Variants in MIDN observed in about 807,000 individuals in gnomAD.
MIDN encodes midbrain nucleolar protein.
In MIDN, 26 loss-of-function variants were observed where a neutral mutation model predicts 46.1. The observed-to-expected ratio is 0.56, with a 90% CI of 0.41 to 0.78. The LOEUF is 0.78. MIDN is among the 30% of genes least tolerant of loss of function. The pLI is 0.00. For synonymous variants in MIDN, 432 were observed against 343.3 expected, an observed-to-expected ratio of 1.26 and a Z score of -2.86; for missense variants, 850 against 771.8, an observed-to-expected ratio of 1.10 and a Z score of -1.20.
At chr19:1,256,761 C>T (rs1318205120) in intron 8 of MIDN, among the ~76,000 whole-genome samples, 2 of 152,170 alleles carry the variant, frequency 1.3e-5, no homozygotes, top group Non-Finnish European at 2.9e-5. Context: ...AGGCCTGTCT[C>T]GAACTCCTGA....
chr19:1,254,572 C>T (rs1397566663), intron 6 of MIDN, 94 bp downstream of exon 6: 7 of 1,321,440 alleles, frequency 5.3e-6, no homozygotes, highest in Non-Finnish European at 7.3e-6. Flanking sequence ...CTCTTAGTCC[C>T]AGGTGAGTCC....
chr19:1,257,358 C>A lies in MIDN; in HGVS notation c.*86C>A. ...GAGCCCCGGAGAGAACGTGGCCCAG[C>A]CCTGGAGGGCAGGCGGCCACTCCCC... On this transcript the variant is annotated 3_prime_UTR_variant, in exon 9 of 9. Transcript: ENST00000682408. 1.8e-6 allele frequency: 2 copies of A among 1,103,860 alleles called. No individual in the cohort carries two copies. Among genetic ancestry groups the A allele is most frequent in the Non-Finnish European group, 2.7e-6 (2 of 751,652 alleles). 68.4% of individuals were successfully genotyped at this position (1,103,860 alleles called of 1,614,324 possible).
rs1418165624 is a variant in MIDN, at chr19:1,255,542, C to T, written c.1106C>T (p.Ser369Leu). Residue 369 changes from serine (S) to leucine (L), a missense_variant, in exon 8 of 9, where the codon TCG becomes TTG. Ser to Leu is a moderately radical substitution (Grantham distance 145, BLOSUM62 -2). Coordinates refer to ENST00000682408, the MANE Select transcript of MIDN (RefSeq NM_001388306.1). ...CGGCACTACCAGGGCATGCCCCCTT[C>T]GCTGGCCCAGCTCCGCTGCCACGCC... ...ATRHYQGMPP[S>L]LAQLRCHAQC... 3.7e-6 allele frequency: 6 copies of T among 1,611,766 alleles called. No individual in the cohort carries two copies. The highest frequency in any genetic ancestry group is 2.2e-5 in the East Asian group (1 of 44,874).
intron 1 of MIDN, 81 bp from the exon 2 acceptor site, chr19:1,249,809 G>C (rs2081100649): frequency 6.6e-6 from 1 of 151,386 alleles, no homozygotes; most frequent in South Asian, 2.1e-4. Context: ...GGAGTAAGTA[G>C]TGAATGGGAG....
chr19:1,255,802 G>T, intron 8 of MIDN, 108 bp downstream of exon 8: 3 of 1,114,184 alleles, frequency 2.7e-6, no homozygotes, highest in South Asian at 1.6e-5. Context: ...CCAGGGGCTG[G>T]GGGGGATGGC....
chr19:1,258,857 C>CTG lies in MIDN; in HGVS notation c.*1587_*1588dup, dbSNP rs1462543804. 2.0e-5 allele frequency: 3 copies of CTG among 150,990 alleles called. No homozygotes were observed. The highest frequency in any genetic ancestry group is 6.6e-5 in the Admixed American group (1 of 15,170). 9.4% of individuals were successfully genotyped at this position (150,990 alleles called of 1,614,324 possible). A position where few individuals can be genotyped will look rare whatever the true frequency, so the allele number is the denominator to read the frequency against. On this transcript the variant is annotated 3_prime_UTR_variant, in exon 9 of 9. Coordinates refer to ENST00000682408, the MANE Select transcript of MIDN (RefSeq NM_001388306.1). ...AGGGGCGGGTTTGTTTTTTGAAGAA[C>CTG]TGTCTTGGATACCTATTTAAATGTG...
intron 4 of MIDN, among the ~76,000 whole-genome samples, chr19:1,253,429 C>T (rs867057867): frequency 6.6e-6 from 1 of 151,448 alleles, no homozygotes; most frequent in Non-Finnish European, 1.5e-5. Context: ...CCACCCCCCC[C>T]CCCATCCCGG....
At position 1,257,286 on chromosome 19, in the gene MIDN, G is replaced by A. The variant is rs1364230532; in HGVS notation, c.*14G>A. The A allele has an allele frequency of 6.2e-7, 1 of 1,608,748 alleles. No individual in the cohort carries two copies. Among genetic ancestry groups the A allele is most frequent in the Non-Finnish European group, 8.5e-7 (1 of 1,177,450 alleles). On this transcript the variant is annotated 3_prime_UTR_variant, in exon 9 of 9. Coordinates refer to ENST00000682408, the MANE Select transcript of MIDN (RefSeq NM_001388306.1). Reference sequence around the variant, plus strand: ...GTGGTGGCTTAGGATCTTCGGATCGGCCACCCTCGCCCCTCGCACCCCAGC... The same window carrying A: ...GTGGTGGCTTAGGATCTTCGGATCGACCACCCTCGCCCCTCGCACCCCAGC...
At chr19:1,255,082 G>C in intron 7 of MIDN, 21 bp downstream of exon 7, 1 of 1,602,066 alleles carries the variant, frequency 6.2e-7, no homozygotes, top group South Asian at 1.1e-5. Context: ...CAGCACATGT[G>C]TGAGCTCACG....
At chr19:1,252,594 G>A (rs1221479885) in intron 4 of MIDN, among the ~76,000 whole-genome samples, 1 of 151,618 alleles carries the variant, frequency 6.6e-6, no homozygotes, top group Non-Finnish European at 1.5e-5. Flanking sequence ...CTGCGGCCAA[G>A]CCTTCCTCAG....
chr19:1,251,604 T>A lies in MIDN; in HGVS notation c.276T>A (p.Asp92Glu). Residue 92 changes from aspartate to glutamate, a missense_variant, in exon 3 of 9, where the codon GAT becomes GAA. Asp to Glu is a conservative substitution (Grantham distance 45, BLOSUM62 2). Transcript: ENST00000682408. ...AGCTGCAGGAGTTCGGCGTGGGTGA[T>A]GGCAGCAAGCTGACCTTGGTACCCA... ...SGKLQEFGVGDGSKLTLVPTV... is the reference protein window; with the variant it reads ...SGKLQEFGVGEGSKLTLVPTV... 1 of 1,606,302 alleles carries A rather than the reference T, an allele frequency of 6.2e-7. No individual in the cohort carries two copies. Among genetic ancestry groups the A allele is most frequent in the Non-Finnish European group, 8.5e-7 (1 of 1,177,522 alleles).
At chr19:1,255,166 G>C in intron 7 of MIDN, 105 bp downstream of exon 7, 1 of 1,355,302 alleles carries the variant, frequency 7.4e-7, no homozygotes, top group Non-Finnish European at 1.0e-6. Context: ...GGCATACACA[G>C]GCTGTGTCCG....
intron 2 of MIDN, 97 bp downstream of exon 2, chr19:1,250,626 G>T: frequency 1.7e-6 from 1 of 586,602 alleles, no homozygotes; most frequent in South Asian, 7.4e-5. Flanking sequence ...GGGGCGGCCA[G>T]ACAGGGGGCG....
chr19:1,253,922 G>A, intron 4 of MIDN, 32 bp from the exon 5 acceptor site: 1 of 1,372,568 alleles, frequency 7.3e-7, no homozygotes, highest in Non-Finnish European at 9.4e-7. Flanking sequence ...GGGAGGGGCA[G>A]GCCCCCGTCT....
At position 1,251,973 on chromosome 19, in the gene MIDN, G is replaced by A; in HGVS notation, c.384+72G>A. On this transcript the variant is annotated intron_variant, in intron 4 of 8. Transcript: ENST00000682408. ...GGTGCCTTGGCCACCGACGGGGCCT[G>A]GGGGTTGTCTGTGCTCCCAGGAGGC... 4.5e-6 allele frequency: 6 copies of A among 1,335,430 alleles called. No individual in the cohort carries two copies. The South Asian group carries it at 7.3e-5, about 16-fold the overall frequency. The allele number at this position is 1,335,430 out of a possible 1,614,324, so 82.7% of individuals were successfully genotyped here.
chr19:1,252,888 G>A (rs1456315892), intron 4 of MIDN, among the ~76,000 whole-genome samples: 4 of 152,130 alleles, frequency 2.6e-5, no homozygotes, highest in South Asian at 2.1e-4. Flanking sequence ...CCGGGGTCCC[G>A]AGCCAGGGCG....
chr19:1,253,433 A>AT (rs1264736778), intron 4 of MIDN, among the ~76,000 whole-genome samples: 4,143 of 117,942 alleles, frequency 0.035, 181 homozygotes, highest in African/African-American at 0.11. Context: ...CCCCCCCCCC[A>AT]TCCCGGCCAC....
Position 1,257,190 on chromosome 19 carries a change from C to G in MIDN, c.1454C>G (p.Ser485Cys), listed in dbSNP as rs2081210153. 1 of 1,612,018 alleles carries G rather than the reference C, an allele frequency of 6.2e-7. No individual in the cohort carries two copies. The highest frequency in any genetic ancestry group is 1.1e-5 in the South Asian group (1 of 91,076). Reference protein sequence around the residue: ...SGGGGSPSEASGLGLDFEDSV... With the variant: ...SGGGGSPSEACGLGLDFEDSV... ...GGCGGCGGCAGCCCCAGCGAGGCCTCCGGCTTGGGCCTCGACTTCGAGGAC... is the reference window on the plus strand; with the variant it reads ...GGCGGCGGCAGCCCCAGCGAGGCCTGCGGCTTGGGCCTCGACTTCGAGGAC... The change falls in exon 9 of 9, where the codon TCC becomes TGC. Residue 485 changes from serine (S) to cysteine (C), a missense_variant. By Grantham distance (112) the Ser-to-Cys change is moderately radical. Transcript: ENST00000682408.
intron 4 of MIDN, among the ~76,000 whole-genome samples, chr19:1,252,458 C>T (rs966811136): frequency 2.6e-5 from 4 of 152,016 alleles, no homozygotes; most frequent in Non-Finnish European, 4.4e-5. Context: ...CCAGTGAGGC[C>T]TAGACAGGAT....
Sources: allele counts gnomAD v4.1 joint callset (sites outside exome capture counted in the v4.1 genomes callset), GRCh38; gene constraint gnomAD v4.1.1; transcripts MANE v1.5; gene names NCBI Gene and HGNC (gene_info 2026-07-23, HGNC 2026-07-21).